PRSS23: variants seen among roughly 807,000 people sequenced by gnomAD.
PRSS23 encodes protease, serine 23.
A neutral mutation model predicts 34.7 loss-of-function variants in PRSS23; 25 were observed. The ratio of observed to expected loss-of-function variants is 0.72; its 90% CI spans 0.53 to 1.01. PRSS23 has a LOEUF of 1.01. Among genes scored for constraint, PRSS23 ranks in the 50% least tolerant of loss-of-function variants. The pLI, the probability that PRSS23 is intolerant of heterozygous loss-of-function variation, is 0.00. For missense variants in PRSS23, 445 were observed against 475.6 expected (o/e 0.94, Z 0.60); for synonymous variants, 176 against 186.6 (o/e 0.94, Z 0.46).
At chr11:86,797,909 C>T (rs1434012122), upstream of PRSS23, among the ~76,000 whole-genome samples, 2 of 152,204 alleles carry the variant, frequency 1.3e-5, no homozygotes, top group East Asian at 1.9e-4. Flanking sequence ...AACTAGTAAG[C>T]GTCAGACCTT....
intron 2 of PRSS23, among the ~76,000 whole-genome samples, chr11:86,854,593 G>A (rs1419970733): frequency 6.6e-6 from 1 of 152,162 alleles, no homozygotes; most frequent in Non-Finnish European, 1.5e-5. Flanking sequence ...TGTCCACTCT[G>A]ATGTCATAAA....
intron 2 of PRSS23, among the ~76,000 whole-genome samples, chr11:86,917,533 T>C (rs113952330): frequency 6.4e-4 from 98 of 152,380 alleles, no homozygotes; most frequent in African/African-American, 2.1e-3. Flanking sequence ...GAACAAGAAG[T>C]GTTAGGTCAA....
intron 2 of PRSS23, chr11:86,950,641 G>A (rs1949281859): frequency 5.2e-6 from 1 of 191,808 alleles, no homozygotes; most frequent in African/African-American, 2.4e-5. Context: ...TGTTACATCA[G>A]CCAAACTATA....
At chr11:86,792,705 T>A (rs746913674) in intron 1 of PRSS23, among the ~76,000 whole-genome samples, 5 of 152,186 alleles carry the variant, frequency 3.3e-5, no homozygotes, top group African/African-American at 1.2e-4. Flanking sequence ...GTAGAAGATG[T>A]AACATTGTGT....
intron 2 of PRSS23, among the ~76,000 whole-genome samples, chr11:86,850,744 G>C (rs1281981760): frequency 6.6e-6 from 1 of 152,124 alleles, no homozygotes; most frequent in East Asian, 1.9e-4. Context: ...TTGTAAACAT[G>C]CTTTGTAACG....
chr11:86,833,466 C>T (rs920604342), intron 2 of PRSS23: 5 of 440,464 alleles, frequency 1.1e-5, no homozygotes, highest in Admixed American at 3.3e-5. Context: ...CTGTATAGTT[C>T]GGACATGTAT....
intron 2 of PRSS23, among the ~76,000 whole-genome samples, chr11:86,831,943 T>C (rs1274707216): frequency 8.6e-5 from 13 of 152,006 alleles, no homozygotes. Flanking sequence ...CCAGTGTGTG[T>C]ACACCCTGTG....
At chr11:86,893,661 A>G (rs920297062) in intron 2 of PRSS23, among the ~76,000 whole-genome samples, 1 of 152,236 alleles carries the variant, frequency 6.6e-6, no homozygotes, top group African/African-American at 2.4e-5. Flanking sequence ...ATAGATATAG[A>G]TATATACATG....
At chr11:86,872,957 A>G (rs1948694688) in intron 2 of PRSS23, among the ~76,000 whole-genome samples, 1 of 152,134 alleles carries the variant, frequency 6.6e-6, no homozygotes, top group Admixed American at 6.5e-5. Flanking sequence ...CAGAGCATCC[A>G]TGCTACATTG....
At chr11:86,847,881 G>A (rs1227586730) in intron 2 of PRSS23, among the ~76,000 whole-genome samples, 1 of 152,078 alleles carries the variant, frequency 6.6e-6, no homozygotes, top group Non-Finnish European at 1.5e-5. Flanking sequence ...ACTGCCCTGT[G>A]CCAAGCCTGC....
chr11:86,942,518 T>C (rs557351332), intron 2 of PRSS23, among the ~76,000 whole-genome samples: 3 of 152,314 alleles, frequency 2.0e-5, no homozygotes, highest in Admixed American at 6.5e-5. Flanking sequence ...AGGCTTTCCA[T>C]GAGATTAAGC....
intron 1 of PRSS23, among the ~76,000 whole-genome samples, chr11:86,817,558 A>G (rs1014793929): frequency 2.0e-5 from 3 of 152,222 alleles, no homozygotes; most frequent in East Asian, 1.9e-4. Context: ...CTGAACACCA[A>G]TTAGAGTTTC....
At chr11:86,909,257 TAC>T (rs1439451447) in intron 2 of PRSS23, 1 of 152,188 alleles carries the variant, frequency 6.6e-6, no homozygotes, top group Non-Finnish European at 1.5e-5. Flanking sequence ...GGGCAGTGAC[TAC>T]CATCAACAAG....
At chr11:86,822,589 T>G (rs1260278059) in intron 1 of PRSS23, among the ~76,000 whole-genome samples, 1 of 148,062 alleles carries the variant, frequency 6.8e-6, no homozygotes, top group African/African-American at 2.5e-5. Context: ...CCACTGCACT[T>G]CAGCCTGGGC....
intron 2 of PRSS23, among the ~76,000 whole-genome samples, chr11:86,886,326 A>T (rs747339199): frequency 1.3e-5 from 2 of 152,326 alleles, no homozygotes; most frequent in South Asian, 2.1e-4. Flanking sequence ...CAGGGAAAGG[A>T]CAGCCTGCTT....
At chr11:86,836,905 A>T (rs1440112955) in intron 2 of PRSS23, 1 of 152,404 alleles carries the variant, frequency 6.6e-6, no homozygotes, top group Non-Finnish European at 1.5e-5. Flanking sequence ...CATTTTGGAT[A>T]TAAGCAATTC....
At chr11:86,904,112 TACAA>T (rs1948927799) in intron 2 of PRSS23, among the ~76,000 whole-genome samples, 1 of 152,336 alleles carries the variant, frequency 6.6e-6, no homozygotes, top group Non-Finnish European at 1.5e-5. Flanking sequence ...ACACTCACTC[TACAA>T]ACAGTCACCT....
chr11:86,847,134 A>G (rs1948492285), intron 2 of PRSS23, among the ~76,000 whole-genome samples: 1 of 151,558 alleles, frequency 6.6e-6, no homozygotes, highest in Non-Finnish European at 1.5e-5. Context: ...TTTGATGGCA[A>G]GTGGGGACAG....
intron 2 of PRSS23, among the ~76,000 whole-genome samples, chr11:86,877,023 G>A (rs1175857622): frequency 2.6e-5 from 4 of 152,182 alleles, no homozygotes; most frequent in Admixed American, 2.6e-4. Context: ...GGTCATTTTA[G>A]CCATCTCAAT....
Sources: gnomAD v4.1 joint callset for allele counts (sites outside exome capture counted in the v4.1 genomes callset) on GRCh38, gnomAD v4.1.1 for gene constraint, MANE v1.5 for transcripts, NCBI Gene and HGNC (gene_info 2026-07-23, HGNC 2026-07-21) for gene names.